The following KATNA1 variants were observed in gnomAD, a reference collection of about 807,000 sequenced individuals.
The protein encoded by KATNA1 is katanin p60 ATPase-containing subunit A1.
A neutral mutation model predicts 62.6 loss-of-function variants in KATNA1; 42 were observed. The ratio of observed to expected loss-of-function variants is 0.67; its 90% CI spans 0.52 to 0.87. The LOEUF (loss-of-function observed/expected upper bound fraction) is 0.87, where lower values mean the gene tolerates loss of function less well. KATNA1 is among the 40% of genes least tolerant of loss of function. The probability of loss-of-function intolerance (pLI) is 0.00; values close to 1 mark genes in which losing one functional copy is unlikely to be tolerated. For missense variants in KATNA1, 498 were observed against 612.5 expected, an observed-to-expected ratio of 0.81 and a Z score of 1.97; for synonymous variants, 186 against 201.9, an observed-to-expected ratio of 0.92 and a Z score of 0.67.
intron 8 of KATNA1, among the ~76,000 whole-genome samples, 197 bp from the exon 9 acceptor site, chr6:149,597,838 T>TA (rs1206914874): frequency 6.6e-6 from 1 of 152,212 alleles, no homozygotes; most frequent in East Asian, 1.9e-4. Context: ...AGTATGCAAA[T>TA]ATATGACTCA....
chr6:149,644,718 G>A (rs1005700694), intron 1 of KATNA1, among the ~76,000 whole-genome samples: 1 of 151,972 alleles, frequency 6.6e-6, no homozygotes. Context: ...ATGATTCAAC[G>A]GCCCAAAACT....
chr6:149,621,594 G>A (rs959507081), intron 4 of KATNA1, among the ~76,000 whole-genome samples: 1 of 151,788 alleles, frequency 6.6e-6, no homozygotes, highest in Non-Finnish European at 1.5e-5. Flanking sequence ...CCGGGTTCAA[G>A]TGATTCTCTG....
intron 1 of KATNA1, among the ~76,000 whole-genome samples, chr6:149,646,762 T>C (rs898338245): frequency 6.6e-6 from 1 of 152,212 alleles, no homozygotes; most frequent in Non-Finnish European, 1.5e-5. Context: ...TGAGTTTAAT[T>C]ATTAAAACGT....
intron 4 of KATNA1, among the ~76,000 whole-genome samples, chr6:149,621,364 T>G (rs1404088950): frequency 6.6e-6 from 1 of 151,956 alleles, no homozygotes; most frequent in Non-Finnish European, 1.5e-5. Context: ...GACCTCGTGA[T>G]CCGCCCAACT....
chr6:149,602,248 T>C (rs1213290260), intron 6 of KATNA1, among the ~76,000 whole-genome samples: 1 of 152,086 alleles, frequency 6.6e-6, no homozygotes, highest in Non-Finnish European at 1.5e-5. Flanking sequence ...ATGCCTGTAA[T>C]CCCAGCTACT....
At chr6:149,638,612 A>T in intron 1 of KATNA1, 52 bp from the exon 2 acceptor site, 2 of 1,294,202 alleles carry the variant, frequency 1.5e-6, no homozygotes, top group Non-Finnish European at 2.2e-6. Context: ...GTCTCTTAAA[A>T]ATAAGTATAG....
chr6:149,641,321 C>T (rs367547570), intron 1 of KATNA1, among the ~76,000 whole-genome samples: 2 of 151,820 alleles, frequency 1.3e-5, no homozygotes, highest in African/African-American at 2.4e-5. Context: ...GGACTACAGG[C>T]GCCCACCACC....
intron 8 of KATNA1, chr6:149,598,013 C>T: frequency 1.9e-6 from 1 of 536,294 alleles, no homozygotes; most frequent in Admixed American, 3.6e-5. Context: ...TGTGTGTGGC[C>T]ATTAATTCTG....
rs180761829 is a variant in KATNA1 at position 149,646,821 on chromosome 6, G to A, written c.-14+1648C>T. Among the ~76,000 whole-genome samples, 158 of 152,184 alleles carry A rather than the reference G, an allele frequency of 1.0e-3. 8 individuals carry two copies. The East Asian group carries it at 0.017, about 16-fold the overall frequency. ...CTATCGATAAACGCCACAAGCAAAA[G>A]CTATTTGGCATGTTATCAACACTGA... On this transcript the variant is annotated intron_variant, in intron 1 of 10. Transcript: ENST00000367411.
At chr6:149,645,121 T>A (rs906876597) in intron 1 of KATNA1, among the ~76,000 whole-genome samples, 4 of 152,142 alleles carry the variant, frequency 2.6e-5, no homozygotes, top group African/African-American at 9.7e-5. Flanking sequence ...AAGCACAATA[T>A]CTGGCAATAT....
chr6:149,639,350 C>A (rs1314822211), intron 1 of KATNA1, among the ~76,000 whole-genome samples: 1 of 151,630 alleles, frequency 6.6e-6, no homozygotes, highest in Non-Finnish European at 1.5e-5. Flanking sequence ...CCTGTAATCC[C>A]AACACTTTGG....
Position 149,611,203 on chromosome 6 carries a change from G to A in KATNA1, c.502-6421C>T, listed in dbSNP as rs1274760205. Reference sequence around the variant, plus strand: ...AGGCCAGGTGCAGTGGCTCACGCCTGTAATCTCAGCACTTTGGGAGGCCAA... The same window carrying A: ...AGGCCAGGTGCAGTGGCTCACGCCTATAATCTCAGCACTTTGGGAGGCCAA... On this transcript the variant is annotated intron_variant, in intron 4 of 10. Coordinates refer to ENST00000367411, the MANE Select transcript of KATNA1 (RefSeq NM_007044.4). Among the ~76,000 whole-genome samples the A allele has an allele frequency of 3.9e-5, 6 of 152,194 alleles. No individual in the cohort carries two copies. In the South Asian group the frequency reaches 1.0e-3, roughly 26 times the overall value.
chr6:149,634,288 A>ATC (rs1779981627), intron 2 of KATNA1, among the ~76,000 whole-genome samples: 3 of 149,110 alleles, frequency 2.0e-5, no homozygotes, highest in African/African-American at 7.5e-5. Context: ...AATAAAATAA[A>ATC]ATAAAATAAA....
intron 8 of KATNA1, 142 bp from the exon 9 acceptor site, chr6:149,597,783 A>AC: frequency 1.4e-6 from 1 of 698,726 alleles, no homozygotes; most frequent in Non-Finnish European, 2.4e-6. Flanking sequence ...ACTTAGGTTA[A>AC]CTGGTACCTA....
chr6:149,597,691 C>T (rs1275054575), intron 8 of KATNA1, 50 bp from the exon 9 acceptor site: 20 of 1,534,824 alleles, frequency 1.3e-5, no homozygotes, highest in Non-Finnish European at 1.8e-5. Context: ...TTGGATTATA[C>T]CAAATGAAGC....
chr6:149,622,975 C>T, intron 4 of KATNA1, 128 bp downstream of exon 4: 2 of 661,112 alleles, frequency 3.0e-6, no homozygotes, highest in Non-Finnish European at 4.8e-6. Context: ...TGCCACTGCA[C>T]CCCAGCCTGG....
chr6:149,643,263 T>G (rs1231213280), intron 1 of KATNA1, among the ~76,000 whole-genome samples: 2 of 152,172 alleles, frequency 1.3e-5, no homozygotes, highest in African/African-American at 4.8e-5. Flanking sequence ...AGCCTTGAGA[T>G]GACTACAGGC....
At chr6:149,612,684 A>G (rs1262869952) in intron 4 of KATNA1, among the ~76,000 whole-genome samples, 4 of 152,200 alleles carry the variant, frequency 2.6e-5, no homozygotes, top group African/African-American at 4.8e-5. Context: ...TCATTCATGA[A>G]TATACAGATG....
At chr6:149,606,166 T>C (rs1778732749) in intron 4 of KATNA1, among the ~76,000 whole-genome samples, 1 of 152,224 alleles carries the variant, frequency 6.6e-6, no homozygotes, top group Non-Finnish European at 1.5e-5. Flanking sequence ...ATGTCCGTTC[T>C]GACTGCAGGG....
Sources: gnomAD v4.1 joint callset for allele counts (sites outside exome capture counted in the v4.1 genomes callset) on GRCh38, gnomAD v4.1.1 for gene constraint, MANE v1.5 for transcripts, NCBI Gene and HGNC (gene_info 2026-07-23, HGNC 2026-07-21) for gene names.